MAP3K4: variants seen among roughly 807,000 people sequenced by gnomAD.
MAP3K4 encodes the protein MAP three kinase 1.
MAP3K4 carries 67 observed loss-of-function variants against 185.6 expected under a neutral mutation model. The observed-to-expected ratio is 0.36, with a 90% confidence interval of 0.30 to 0.44. MAP3K4 has a LOEUF of 0.44. Among genes scored for constraint, MAP3K4 ranks in the 20% least tolerant of loss-of-function variants. The pLI is 1.00. For synonymous variants in MAP3K4, 702 were observed against 710.4 expected, an observed-to-expected ratio of 0.99 and a Z score of 0.19; for missense variants, 1,551 against 1,995.1, an observed-to-expected ratio of 0.78 and a Z score of 4.24.
intron 3 of MAP3K4, among the ~76,000 whole-genome samples, chr6:161,050,583 A>G (rs945290306): frequency 6.6e-6 from 1 of 152,204 alleles, no homozygotes; most frequent in African/African-American, 2.4e-5. Context: ...GTGTTTCGAT[A>G]TGTGTAGATT....
At chr6:161,089,109 G>C (rs1291799705) in intron 10 of MAP3K4, among the ~76,000 whole-genome samples, 1 of 152,076 alleles carries the variant, frequency 6.6e-6, no homozygotes. Flanking sequence ...AGTCCCAAAG[G>C]GTTCTTCTCC....
intron 2 of MAP3K4, among the ~76,000 whole-genome samples, chr6:161,042,201 G>A (rs1335910881): frequency 1.3e-5 from 2 of 152,148 alleles, no homozygotes; most frequent in Non-Finnish European, 2.9e-5. Flanking sequence ...GTTAGTGTAT[G>A]TTTGAACAGT....
chr6:161,113,438 A>C (rs565305187), intron 25 of MAP3K4, among the ~76,000 whole-genome samples: 1 of 152,344 alleles, frequency 6.6e-6, no homozygotes, highest in African/African-American at 2.4e-5. Context: ...TGTAGGATAC[A>C]CTGATGATAG....
At chr6:161,060,957 C>T (rs907367144) in intron 3 of MAP3K4, among the ~76,000 whole-genome samples, 3 of 152,094 alleles carry the variant, frequency 2.0e-5, no homozygotes, top group Admixed American at 1.3e-4. Context: ...ACCCTAGTTC[C>T]CTTTATTGAG....
Position 161,074,811 on chromosome 6 carries a change from C to A in MAP3K4, c.2097+1199C>A, listed in dbSNP as rs943321610. 6.6e-6 allele frequency among the ~76,000 whole-genome samples: 1 copy of A among 152,130 alleles called. No individual in the cohort carries two copies. The highest frequency in any genetic ancestry group is 1.9e-4 in the East Asian group (1 of 5,194). On this transcript the variant is annotated intron_variant, in intron 5 of 26. Coordinates refer to ENST00000392142, the MANE Select transcript of MAP3K4 (RefSeq NM_005922.4). The surrounding 1 kb of genome is among the most constrained non-coding windows in gnomAD (Gnocchi z 5.0). The stretch of plus-strand genomic sequence containing the variant: ...AGGATGGCTGCAGCACCTACAGATA[C>A]CACTCTCACTTTCTAAGCGGGAAGA...
intron 1 of MAP3K4, among the ~76,000 whole-genome samples, chr6:161,018,269 T>C (rs1238026565): frequency 3.9e-5 from 6 of 152,096 alleles, no homozygotes; most frequent in African/African-American, 1.4e-4. Context: ...ATATAAGGCC[T>C]TCTTGAGTCG....
In MAP3K4 at chr6:161,073,817, C is replaced by G. The variant is rs1384180714; in HGVS notation, c.2097+205C>G. ...GGTGGTGGTGATCTTGAATCAGAGT[C>G]TTTCCATCTGGTATTAGATTACATT... On this transcript the variant is annotated intron_variant, in intron 5 of 26. Coordinates refer to ENST00000392142, the MANE Select transcript of MAP3K4 (RefSeq NM_005922.4). This position sits in a 1 kb window ranked among gnomAD's most constrained non-coding sequence, Gnocchi z 4.2. Among the ~76,000 whole-genome samples the G allele has an allele frequency of 3.3e-5, 5 of 152,160 alleles. No homozygotes were observed.
Position 161,103,844 on chromosome 6 carries a change from A to G in MAP3K4, c.3856+1065A>G, listed in dbSNP as rs552207729. Among the ~76,000 whole-genome samples, 1 of 152,328 alleles carries G rather than the reference A, an allele frequency of 6.6e-6. No individual in the cohort carries two copies. The highest frequency in any genetic ancestry group is 1.9e-4 in the East Asian group (1 of 5,178). ...ACGATACTGGACTAATGTGGGATTT[A>G]AAAGAGGTAATGGCAGCAAGAAACA... On this transcript the variant is annotated intron_variant, in intron 19 of 26. Transcript: ENST00000392142. This position sits in a 1 kb window ranked among gnomAD's most constrained non-coding sequence, Gnocchi z 4.6.
chr6:161,029,617 A>G (rs1782827139), intron 1 of MAP3K4, among the ~76,000 whole-genome samples: 2 of 152,232 alleles, frequency 1.3e-5, no homozygotes, highest in South Asian at 2.1e-4. Context: ...AAACACAAGT[A>G]AGACAAATGT....
At chr6:161,104,988 G>A (rs1047582114) in intron 19 of MAP3K4, among the ~76,000 whole-genome samples, 3 of 152,284 alleles carry the variant, frequency 2.0e-5, no homozygotes, top group African/African-American at 7.2e-5. Context: ...CTTCATCTGA[G>A]CCAGAAAACA....
intron 1 of MAP3K4, among the ~76,000 whole-genome samples, chr6:161,026,415 A>G (rs149851855): frequency 0.02 from 3,098 of 152,088 alleles, 29 homozygotes; most frequent in Non-Finnish European, 0.03. Context: ...GATTACAGGC[A>G]TGAGCCACCG....
intron 1 of MAP3K4, among the ~76,000 whole-genome samples, chr6:161,031,503 T>C (rs2115157188): frequency 6.6e-6 from 1 of 152,312 alleles, no homozygotes; most frequent in Admixed American, 6.5e-5. Flanking sequence ...TTTATTTATT[T>C]TTAAAAAATC....
intron 1 of MAP3K4, among the ~76,000 whole-genome samples, chr6:161,027,815 A>G (rs1272950910): frequency 6.6e-6 from 1 of 152,236 alleles, no homozygotes; most frequent in African/African-American, 2.4e-5. Flanking sequence ...CTGTCATGGT[A>G]TTGAGTGGTT....
At chr6:161,026,538 C>A (rs1782669882) in intron 1 of MAP3K4, among the ~76,000 whole-genome samples, 1 of 152,136 alleles carries the variant, frequency 6.6e-6, no homozygotes, top group Non-Finnish European at 1.5e-5. Flanking sequence ...TATATAGACA[C>A]ACTCACACAA....
intron 1 of MAP3K4, among the ~76,000 whole-genome samples, chr6:161,023,306 G>A (rs1782489436): frequency 6.6e-6 from 1 of 152,156 alleles, no homozygotes; most frequent in South Asian, 2.1e-4. Context: ...GAAAATAATT[G>A]TAACAATAAA....
rs149952013 is a variant in MAP3K4, at chr6:161,090,498, C to T, written c.2974-881C>T. Among the ~76,000 whole-genome samples, 157 of 145,812 alleles carry T rather than the reference C, an allele frequency of 1.1e-3. 1 individual carries two copies. Among genetic ancestry groups the T allele is most frequent in the African/African-American group, 3.9e-3 (147 of 38,162 alleles). On this transcript the variant is annotated intron_variant, in intron 11 of 26. Coordinates refer to ENST00000392142, the MANE Select transcript of MAP3K4 (RefSeq NM_005922.4). ...CCTCTTGGATGTGGACGTTTGGGCC[C>T]GTAACTCTTGGTCGTGGAGGGCTGT...
In MAP3K4 at chr6:161,034,556, G is replaced by T; in HGVS notation, c.343+107G>T. ...CTTTTATTTTTAATTTGATTTTAAT[G>T]CTCCTGTAAAGTTCAATTTTTTTTT... On this transcript the variant is annotated intron_variant, in intron 2 of 26. Coordinates refer to ENST00000392142, the MANE Select transcript of MAP3K4 (RefSeq NM_005922.4). This position sits in a 1 kb window ranked among gnomAD's most constrained non-coding sequence, Gnocchi z 4.4. 3.2e-6 allele frequency: 3 copies of T among 933,186 alleles called. No individual in the cohort carries two copies. The highest frequency in any genetic ancestry group is 4.5e-6 in the Non-Finnish European group (3 of 667,280). 57.8% of individuals were successfully genotyped at this position (933,186 alleles called of 1,614,324 possible).
chr6:161,006,727 G>A (rs1283782399), intron 1 of MAP3K4, among the ~76,000 whole-genome samples: 6 of 152,256 alleles, frequency 3.9e-5, no homozygotes, highest in Admixed American at 3.3e-4. Context: ...CTCACATAAT[G>A]AGAGGTATAG....
At chr6:161,003,514 A>C (rs978199928) in intron 1 of MAP3K4, among the ~76,000 whole-genome samples, 3 of 152,130 alleles carry the variant, frequency 2.0e-5, no homozygotes, top group Non-Finnish European at 2.9e-5. Flanking sequence ...TATCTTCTCA[A>C]AGTTGTTTAA....
Sources: allele counts gnomAD v4.1 joint callset (sites outside exome capture counted in the v4.1 genomes callset), GRCh38; gene constraint gnomAD v4.1.1; non-coding constraint Gnocchi (gnomAD v3.1); transcripts MANE v1.5; gene names NCBI Gene and HGNC (gene_info 2026-07-23, HGNC 2026-07-21).